The following ST6GALNAC3 variants were observed in gnomAD, a reference collection of about 807,000 sequenced individuals.
ST6GALNAC3 encodes the protein ST6 N-acetylgalactosaminide alpha-2,6-sialyltransferase 3, also known as alpha-N-acetylgalactosaminide alpha-2,6-sialyltransferase 3.
ST6GALNAC3 carries 25 observed loss-of-function variants against 32.7 expected under a neutral mutation model. The ratio of observed to expected loss-of-function variants is 0.76; its 90% CI spans 0.56 to 1.07. The LOEUF (loss-of-function observed/expected upper bound fraction) is 1.07, where lower values mean the gene tolerates loss of function less well. Among genes scored for constraint, ST6GALNAC3 ranks in the 50% least tolerant of loss-of-function variants. The pLI is 0.00. For missense variants in ST6GALNAC3, 355 were observed against 382.4 expected (o/e 0.93, Z 0.60); for synonymous variants, 129 against 133.1 (o/e 0.97, Z 0.21).
chr1:76,460,039 A>G (rs1356626343), intron 3 of ST6GALNAC3, among the ~76,000 whole-genome samples: 1 of 152,152 alleles, frequency 6.6e-6, no homozygotes, highest in Non-Finnish European at 1.5e-5. Context: ...GTCTATGTTT[A>G]ATTTATTGAA....
rs1649278391 is a variant in ST6GALNAC3, at chr1:76,631,128, A to T, written c.*2322A>T. Reference sequence around the variant, plus strand: ...ATTGTATCCCTCACTCTATAGCAGAAGGTGTGTGTGGAATATGTAGACTCC... The same window carrying T: ...ATTGTATCCCTCACTCTATAGCAGATGGTGTGTGTGGAATATGTAGACTCC... On this transcript the variant is annotated 3_prime_UTR_variant, in exon 5 of 5. Coordinates refer to ENST00000328299, the MANE Select transcript of ST6GALNAC3 (RefSeq NM_152996.4). The T allele has an allele frequency of 1.4e-6, 1 of 692,016 alleles. No homozygotes were observed. Among genetic ancestry groups the T allele is most frequent in the Admixed American group, 6.3e-5 (1 of 15,842 alleles). 42.9% of individuals were successfully genotyped at this position (692,016 alleles called of 1,614,324 possible).
At chr1:76,480,510 A>G (rs1384881666) in intron 3 of ST6GALNAC3, among the ~76,000 whole-genome samples, 2 of 152,122 alleles carry the variant, frequency 1.3e-5, no homozygotes, top group African/African-American at 4.8e-5. Flanking sequence ...GAAATCCTAG[A>G]TTTGAATGAC....
At chr1:76,322,935 G>A (rs961647075) in intron 2 of ST6GALNAC3, among the ~76,000 whole-genome samples, 3 of 151,990 alleles carry the variant, frequency 2.0e-5, no homozygotes, top group Non-Finnish European at 4.4e-5. Flanking sequence ...CCACCTCCTC[G>A]GCTCAAGCGA....
At position 76,629,370 on chromosome 1, in the gene ST6GALNAC3, C is replaced by G. The variant is rs1006026307; in HGVS notation, c.*564C>G. 3 of 985,214 alleles carry G rather than the reference C, an allele frequency of 3.0e-6. No homozygotes were observed. Among genetic ancestry groups the G allele is most frequent in the Non-Finnish European group, 3.6e-6 (3 of 829,730 alleles). 61.0% of individuals were successfully genotyped at this position (985,214 alleles called of 1,614,324 possible). ...TCTACAGTATTTCCTACAGCTAAAGCCTCAGGCCATTGCCTAATTAACAAT... is the reference window on the plus strand; with the variant it reads ...TCTACAGTATTTCCTACAGCTAAAGGCTCAGGCCATTGCCTAATTAACAAT... On this transcript the variant is annotated 3_prime_UTR_variant, in exon 5 of 5. Coordinates refer to ENST00000328299, the MANE Select transcript of ST6GALNAC3 (RefSeq NM_152996.4).
At chr1:76,579,860 G>C (rs920047352) in intron 3 of ST6GALNAC3, among the ~76,000 whole-genome samples, 2 of 151,916 alleles carry the variant, frequency 1.3e-5, no homozygotes, top group Non-Finnish European at 2.9e-5. Context: ...TTAATAAAAA[G>C]CACACTATAT....
intron 2 of ST6GALNAC3, among the ~76,000 whole-genome samples, chr1:76,384,873 A>G (rs1034897953): frequency 6.6e-6 from 1 of 152,124 alleles, no homozygotes; most frequent in Non-Finnish European, 1.5e-5. Flanking sequence ...TTAACAGTGG[A>G]ATGAAAAAAT....
chr1:76,221,418 C>A (rs1655762864), intron 1 of ST6GALNAC3, among the ~76,000 whole-genome samples: 1 of 152,062 alleles, frequency 6.6e-6, no homozygotes, highest in Admixed American at 6.6e-5. Context: ...ATTCTATCAC[C>A]ACGACATGGA....
intron 1 of ST6GALNAC3, among the ~76,000 whole-genome samples, chr1:76,211,807 G>T (rs2100575681): frequency 6.6e-6 from 1 of 152,142 alleles, no homozygotes; most frequent in South Asian, 2.1e-4. Context: ...AGCGGGGAGG[G>T]ATAGCATTAG....
chr1:76,309,000 C>T (rs2100876897), intron 1 of ST6GALNAC3, among the ~76,000 whole-genome samples: 1 of 152,282 alleles, frequency 6.6e-6, no homozygotes, highest in South Asian at 2.1e-4. Context: ...GCCTTTCAAA[C>T]TGTTAAGCCC....
At chr1:76,076,685 T>A (rs1476300883) in intron 1 of ST6GALNAC3, among the ~76,000 whole-genome samples, 1 of 152,264 alleles carries the variant, frequency 6.6e-6, no homozygotes, top group African/African-American at 2.4e-5. Context: ...TGGTTGATCC[T>A]TACTATATCC....
At chr1:76,283,852 A>G (rs772774899) in intron 1 of ST6GALNAC3, among the ~76,000 whole-genome samples, 1 of 152,154 alleles carries the variant, frequency 6.6e-6, no homozygotes, top group Non-Finnish European at 1.5e-5. Context: ...TATCTCACAT[A>G]CTTGGTGTTT....
In ST6GALNAC3 at chr1:76,629,770, G is replaced by A. The variant is rs185061773; in HGVS notation, c.*964G>A. 1 of 973,874 alleles carries A rather than the reference G, an allele frequency of 1.0e-6. No individual in the cohort carries two copies. The highest frequency in any genetic ancestry group is 1.8e-5 in the African/African-American group (1 of 56,980). The allele number at this position is 973,874 out of a possible 1,614,324, so 60.3% of individuals were successfully genotyped here. On this transcript the variant is annotated 3_prime_UTR_variant, in exon 5 of 5. Coordinates refer to ENST00000328299, the MANE Select transcript of ST6GALNAC3 (RefSeq NM_152996.4). Reference sequence around the variant, plus strand: ...GCAAAGCATATTTTTACATCAATTTGTATCCTATCATACTTCATAATATAT... The same window carrying A: ...GCAAAGCATATTTTTACATCAATTTATATCCTATCATACTTCATAATATAT...
At chr1:76,541,779 T>C (rs1373762849) in intron 3 of ST6GALNAC3, among the ~76,000 whole-genome samples, 1 of 152,156 alleles carries the variant, frequency 6.6e-6, no homozygotes, top group Non-Finnish European at 1.5e-5. Context: ...ACAGTGAAGA[T>C]TTTCTGAGGT....
intron 1 of ST6GALNAC3, among the ~76,000 whole-genome samples, chr1:76,297,205 T>C (rs1040109745): frequency 1.4e-4 from 22 of 152,068 alleles, no homozygotes; most frequent in Non-Finnish European, 2.8e-4. Context: ...TCATCTCTCC[T>C]GTCTCTAAAT....
At chr1:76,586,349 G>T (rs149222193) in intron 3 of ST6GALNAC3, among the ~76,000 whole-genome samples, 32 of 152,232 alleles carry the variant, frequency 2.1e-4, no homozygotes, top group African/African-American at 7.7e-4. Flanking sequence ...TATAGAAGAG[G>T]GTTGCAATCT....
intron 3 of ST6GALNAC3, among the ~76,000 whole-genome samples, chr1:76,613,410 C>T (rs1185429259): frequency 6.6e-6 from 1 of 152,196 alleles, no homozygotes; most frequent in Non-Finnish European, 1.5e-5. Context: ...GAGCACATTT[C>T]AATCCTACCA....
chr1:76,203,619 A>G (rs556470566), intron 1 of ST6GALNAC3, among the ~76,000 whole-genome samples: 1 of 152,366 alleles, frequency 6.6e-6, no homozygotes, highest in South Asian at 2.1e-4. Flanking sequence ...GTAAATATTT[A>G]GTGAATAAAT....
At chr1:76,150,360 A>G (rs1219780354) in intron 1 of ST6GALNAC3, among the ~76,000 whole-genome samples, 2 of 152,178 alleles carry the variant, frequency 1.3e-5, no homozygotes, top group Non-Finnish European at 2.9e-5. Flanking sequence ...CATGGTGTCA[A>G]GTAAAGCCAG....
At chr1:76,171,830 A>AAAG (rs1216867434) in intron 1 of ST6GALNAC3, among the ~76,000 whole-genome samples, 36 of 148,372 alleles carry the variant, frequency 2.4e-4, no homozygotes, top group African/African-American at 8.8e-4. Flanking sequence ...AAAAAAAAAA[A>AAAG]ACAAGAAAAA....
Sources: gnomAD v4.1 joint callset for allele counts (sites outside exome capture counted in the v4.1 genomes callset) on GRCh38, gnomAD v4.1.1 for gene constraint, MANE v1.5 for transcripts, NCBI Gene and HGNC (gene_info 2026-07-23, HGNC 2026-07-21) for gene names.